Variants in ESM1 observed in about 807,000 individuals in gnomAD.
ESM1 encodes endothelial cell-specific molecule 1.
In ESM1, 7 loss-of-function variants were observed where a neutral mutation model predicts 14.9. That is an observed-to-expected ratio of 0.47 (90% confidence interval 0.27 to 0.88). The LOEUF is 0.88. ESM1 is among the 40% of genes least tolerant of loss of function. The pLI is 0.14. For synonymous variants in ESM1, 89 were observed against 89.4 expected, an observed-to-expected ratio of 1.00 and a Z score of 0.02; for missense variants, 192 against 237.9, an observed-to-expected ratio of 0.81 and a Z score of 1.27.
Position 54,977,895 on chromosome 5 carries a change from A to G in ESM1, c.*1437T>C, listed in dbSNP as rs2112243671. The G allele has an allele frequency of 6.6e-6, 1 of 152,354 alleles. No individual in the cohort carries two copies. Among genetic ancestry groups the G allele is most frequent in the East Asian group, 1.9e-4 (1 of 5,192 alleles). The allele number at this position is 152,354 out of a possible 1,614,324, so 9.4% of individuals were successfully genotyped here. A position where few individuals can be genotyped will look rare whatever the true frequency, so the allele number is the denominator to read the frequency against. ...ATCTTGTTCTTTTTTATTGAACAAT[A>G]ATAAACATGTCCTTTTAAAACAAAA... On this transcript the variant is annotated 3_prime_UTR_variant, in exon 3 of 3. Transcript: ENST00000381405.
intron 1 of ESM1, among the ~76,000 whole-genome samples, chr5:54,983,086 A>G (rs903113690): frequency 3.3e-5 from 5 of 152,200 alleles, no homozygotes; most frequent in Admixed American, 3.3e-4. Context: ...GTGGGTAAAG[A>G]ACAAATTGTG....
At chr5:54,985,056 T>TC (rs1441374917) in intron 1 of ESM1, among the ~76,000 whole-genome samples, 161 bp downstream of exon 1, 5 of 152,216 alleles carry the variant, frequency 3.3e-5, no homozygotes, top group Admixed American at 6.5e-5. Flanking sequence ...CTTGGAGCTA[T>TC]CCTTCAGTCT....
chr5:54,985,437 G>A lies in ESM1; in HGVS notation c.81C>T (p.Asp27=). ...VAAWSNNYAV[D]CPQHCDSSEC... ...CACTGCTGTCACAGTGTTGAGGGCA[G>A]TCCACCGCATAATTATTGCTCCAGG... Residue 27 remains aspartate (D), a synonymous_variant, in exon 1 of 3, where the codon GAC becomes GAT. Coordinates refer to ENST00000381405, the MANE Select transcript of ESM1 (RefSeq NM_007036.5). 6.2e-7 allele frequency: 1 copy of A among 1,613,798 alleles called. No individual in the cohort carries two copies. The highest frequency in any genetic ancestry group is 8.5e-7 in the Non-Finnish European group (1 of 1,179,720).
chr5:54,984,800 T>A (rs1252569199), intron 1 of ESM1, among the ~76,000 whole-genome samples: 1 of 152,160 alleles, frequency 6.6e-6, no homozygotes, highest in East Asian at 1.9e-4. Context: ...GATCAAAGAA[T>A]CACTAAATCT....
chr5:54,982,781 G>A (rs1740413634), intron 1 of ESM1, among the ~76,000 whole-genome samples: 1 of 152,090 alleles, frequency 6.6e-6, no homozygotes, highest in Non-Finnish European at 1.5e-5. Flanking sequence ...TCCTCTGCAA[G>A]GCTAACATGC....
chr5:54,985,153 TC>T, intron 1 of ESM1, 63 bp downstream of exon 1: 6 of 1,478,152 alleles, frequency 4.1e-6, no homozygotes, highest in Non-Finnish European at 5.5e-6. Flanking sequence ...CCACCTCACC[TC>T]CCAAGCTGGC....
At chr5:54,982,535 A>C (rs1740407818) in intron 1 of ESM1, among the ~76,000 whole-genome samples, 1 of 152,182 alleles carries the variant, frequency 6.6e-6, no homozygotes, top group Non-Finnish European at 1.5e-5. Context: ...AGCTCCTCAA[A>C]GAGTTTTTAA....
intron 1 of ESM1, 86 bp from the exon 2 acceptor site, chr5:54,982,232 T>G: frequency 7.4e-7 from 1 of 1,343,052 alleles, no homozygotes; most frequent in Admixed American, 2.1e-5. Context: ...AGCCTTGCGA[T>G]TTGAACCAAC....
Position 54,978,463 on chromosome 5 carries a change from AAAT to A in ESM1, c.*866_*868del, listed in dbSNP as rs1443830538. 2 of 152,182 alleles carry A rather than the reference AAAT, an allele frequency of 1.3e-5. No homozygotes were observed. The highest frequency in any genetic ancestry group is 2.9e-5 in the Non-Finnish European group (2 of 68,030). 9.4% of individuals were successfully genotyped at this position (152,182 alleles called of 1,614,324 possible). A position where few individuals can be genotyped will look rare whatever the true frequency, so the allele number is the denominator to read the frequency against. On this transcript the variant is annotated 3_prime_UTR_variant, in exon 3 of 3. Transcript: ENST00000381405. ...TAGTTTTATTCTAACCATTTTCAAC[AAAT>A]AATACTAGATTTCTTTCCTCAAGAG... is the stretch of plus-strand genomic sequence containing the variant.
chr5:54,982,202 C>A, intron 1 of ESM1, 56 bp from the exon 2 acceptor site: 1 of 1,583,356 alleles, frequency 6.3e-7, no homozygotes, highest in Non-Finnish European at 8.6e-7. Context: ...ACGTCTCCAT[C>A]CTAACAGCCC....
Position 54,979,147 on chromosome 5 carries a change from G to A in ESM1, c.*185C>T. On this transcript the variant is annotated 3_prime_UTR_variant, in exon 3 of 3. Transcript: ENST00000381405. ...GAATATTTAACAAACACATACAAGT[G>A]TTCAGTCATATGGATGTTATGGATT... The A allele has an allele frequency of 1.8e-6, 1 of 563,302 alleles. No homozygotes were observed. Among genetic ancestry groups the A allele is most frequent in the Non-Finnish European group, 3.2e-6 (1 of 314,496 alleles). 34.9% of individuals were successfully genotyped at this position (563,302 alleles called of 1,614,324 possible).
rs1304817418 is a variant in ESM1 at position 54,979,323 on chromosome 5, C to T, written c.*9G>A. The T allele has an allele frequency of 2.5e-6, 4 of 1,601,484 alleles. No individual in the cohort carries two copies. The highest frequency in any genetic ancestry group is 3.4e-6 in the Non-Finnish European group (4 of 1,168,948). On this transcript the variant is annotated 3_prime_UTR_variant, in exon 3 of 3. Transcript: ENST00000381405. Reference sequence around the variant, plus strand: ...AAATAGAGCCTTCTCTCAGAAATCACAGCCGGGATCAGCGTGGATTTAACC... The same window carrying T: ...AAATAGAGCCTTCTCTCAGAAATCATAGCCGGGATCAGCGTGGATTTAACC...
At position 54,978,369 on chromosome 5, in the gene ESM1, G is replaced by T. The variant is rs1035438839; in HGVS notation, c.*963C>A. Reference sequence around the variant, plus strand: ...CTCTGTTTTTCTTATGCTTATTAAGGTTATTATTACTATAATTATGGATAA... The same window carrying T: ...CTCTGTTTTTCTTATGCTTATTAAGTTTATTATTACTATAATTATGGATAA... On this transcript the variant is annotated 3_prime_UTR_variant, in exon 3 of 3. Transcript: ENST00000381405. The T allele has an allele frequency of 6.6e-6, 1 of 151,694 alleles. No homozygotes were observed. Among genetic ancestry groups the T allele is most frequent in the African/African-American group, 2.4e-5 (1 of 41,250 alleles). 9.4% of individuals were successfully genotyped at this position (151,694 alleles called of 1,614,324 possible). A position where few individuals can be genotyped will look rare whatever the true frequency, so the allele number is the denominator to read the frequency against.
At chr5:54,980,177 G>C (rs1185245410) in intron 2 of ESM1, among the ~76,000 whole-genome samples, 1 of 152,078 alleles carries the variant, frequency 6.6e-6, no homozygotes, top group Non-Finnish European at 1.5e-5. Context: ...TCCCAACTTG[G>C]GAAGCTCACT....
intron 1 of ESM1, 54 bp downstream of exon 1, chr5:54,985,163 G>T: frequency 6.6e-7 from 1 of 1,512,880 alleles, no homozygotes; most frequent in Non-Finnish European, 9.0e-7. Flanking sequence ...TCCCAAGCTG[G>T]CTAAAAGCTC....
chr5:54,981,193 G>A (rs990317129), intron 2 of ESM1, among the ~76,000 whole-genome samples: 2 of 151,962 alleles, frequency 1.3e-5, no homozygotes, highest in African/African-American at 2.4e-5. Context: ...TACCAATTTT[G>A]AAATATATAA....
rs1321075585 is a variant in ESM1 at position 54,978,531 on chromosome 5, C to T, written c.*801G>A. Reference sequence around the variant, plus strand: ...GTAGGGAAGATGACTTGCACTAACACATTTATTTATAAAAATATATAAATA... The same window carrying T: ...GTAGGGAAGATGACTTGCACTAACATATTTATTTATAAAAATATATAAATA... On this transcript the variant is annotated 3_prime_UTR_variant, in exon 3 of 3. Transcript: ENST00000381405. The T allele has an allele frequency of 6.6e-6, 1 of 152,004 alleles. No individual in the cohort carries two copies. The highest frequency in any genetic ancestry group is 1.9e-4 in the East Asian group (1 of 5,194). 9.4% of individuals were successfully genotyped at this position (152,004 alleles called of 1,614,324 possible). A position where few individuals can be genotyped will look rare whatever the true frequency, so the allele number is the denominator to read the frequency against.
chr5:54,982,203 C>A (rs1580280205), intron 1 of ESM1, 57 bp from the exon 2 acceptor site: 1 of 1,583,562 alleles, frequency 6.3e-7, no homozygotes, highest in East Asian at 2.3e-5. Context: ...CGTCTCCATC[C>A]TAACAGCCCT....
rs1462157150 is a variant in ESM1, at chr5:54,982,074, C to A, written c.374G>T (p.Gly125Val). The change falls in exon 2 of 3, where the codon GGG becomes GTG. Residue 125 changes from glycine (G) to valine (V), a missense_variant. By Grantham distance (109) the Gly-to-Val change is moderately radical. Coordinates refer to ENST00000381405, the MANE Select transcript of ESM1 (RefSeq NM_007036.5). ...CNCQSGICDR[G>V]TGKCLKFPFF... ...GGGGAATTTCAGGCATTTTCCCGTC[C>A]CCCTGTCACAGATGCCTGACTGGCA... 1.9e-6 allele frequency: 3 copies of A among 1,613,968 alleles called. No individual in the cohort carries two copies. Among genetic ancestry groups the A allele is most frequent in the African/African-American group, 2.7e-5 (2 of 74,910 alleles).
Sources: gnomAD v4.1 joint callset for allele counts (sites outside exome capture counted in the v4.1 genomes callset) on GRCh38, gnomAD v4.1.1 for gene constraint, MANE v1.5 for transcripts, NCBI Gene and HGNC (gene_info 2026-07-23, HGNC 2026-07-21) for gene names.